OPCML: variants seen among roughly 807,000 people sequenced by gnomAD.
The protein encoded by OPCML is opioid-binding protein/cell adhesion molecule.
OPCML carries 13 observed loss-of-function variants against 37.8 expected under a neutral mutation model. The observed-to-expected ratio is 0.34, with a 90% CI of 0.22 to 0.55. The LOEUF (loss-of-function observed/expected upper bound fraction) is 0.55, where lower values mean the gene tolerates loss of function less well. Ranked by LOEUF, OPCML falls within the 20% of genes least tolerant of loss-of-function variation. The pLI, the probability that OPCML is intolerant of heterozygous loss-of-function variation, is 0.91. For synonymous variants in OPCML, 176 were observed against 168.8 expected (o/e 1.04, Z -0.33); for missense variants, 341 against 435.6 (o/e 0.78, Z 1.93).
In OPCML at chr11:133,329,666, A is replaced by T. The variant is rs555858545; in HGVS notation, c.61+202598T>A. 3.9e-3 allele frequency among the ~76,000 whole-genome samples: 591 copies of T among 152,330 alleles called. 2 individuals are homozygous for T. Among genetic ancestry groups the T allele is most frequent in the African/African-American group, 0.013 (560 of 41,572 alleles). Reference sequence around the variant, plus strand: ...AAAGCTGAAACTGGATCCCTTCCTTACACCTTATACAAAAATTAATTCAAG... The same window carrying T: ...AAAGCTGAAACTGGATCCCTTCCTTTCACCTTATACAAAAATTAATTCAAG... On this transcript the variant is annotated intron_variant, in intron 1 of 7. Transcript: ENST00000524381.
intron 1 of OPCML, among the ~76,000 whole-genome samples, chr11:133,281,490 C>G (rs1034326794): frequency 1.7e-4 from 26 of 152,264 alleles, no homozygotes; most frequent in African/African-American, 5.8e-4. Flanking sequence ...GATGCAGAAC[C>G]ATGAACCAAG....
intron 2 of OPCML, among the ~76,000 whole-genome samples, chr11:132,868,382 G>T (rs1942657448): frequency 7.4e-6 from 1 of 135,874 alleles, no homozygotes; most frequent in Admixed American, 8.3e-5. Context: ...TCAGCAAAAA[G>T]AAAATGTTGT....
chr11:132,847,147 C>T (rs1591694833), intron 2 of OPCML, among the ~76,000 whole-genome samples: 2 of 152,118 alleles, frequency 1.3e-5, no homozygotes, highest in South Asian at 2.1e-4. Flanking sequence ...AGATCATCGA[C>T]CCGTGACAAC....
At chr11:133,328,249 C>T (rs988558884) in intron 1 of OPCML, among the ~76,000 whole-genome samples, 13 of 150,960 alleles carry the variant, frequency 8.6e-5, no homozygotes, top group African/African-American at 3.2e-4. Context: ...CCTCCGCCTT[C>T]CAAGGTCAAG....
intron 2 of OPCML, among the ~76,000 whole-genome samples, chr11:132,921,160 C>G (rs1387364120): frequency 6.6e-6 from 1 of 152,210 alleles, no homozygotes; most frequent in Admixed American, 6.5e-5. Flanking sequence ...CTGGAACCCT[C>G]GTGTTTGTCA....
intron 2 of OPCML, among the ~76,000 whole-genome samples, chr11:132,825,123 T>G (rs774606492): frequency 4.5e-4 from 68 of 152,256 alleles, no homozygotes; most frequent in Non-Finnish European, 8.5e-4. Flanking sequence ...TGTCTTCCTT[T>G]GTTAGATCAT....
intron 1 of OPCML, among the ~76,000 whole-genome samples, chr11:133,204,888 A>ATGTG (rs1555114228): frequency 1.5e-5 from 2 of 129,154 alleles, no homozygotes; most frequent in African/African-American, 2.8e-5. Context: ...ATATATATAT[A>ATGTG]TATATATATA....
chr11:133,092,101 T>G (rs1350345036), intron 1 of OPCML, among the ~76,000 whole-genome samples: 1 of 152,106 alleles, frequency 6.6e-6, no homozygotes, highest in Non-Finnish European at 1.5e-5. Flanking sequence ...GGGGTGAATT[T>G]ACTTCTTACA....
At position 132,565,682 on chromosome 11, in the gene OPCML, T is replaced by C. The variant is rs189539479; in HGVS notation, c.380-36496A>G. 4.1e-4 allele frequency among the ~76,000 whole-genome samples: 62 copies of C among 152,340 alleles called. 1 individual carries two copies. In the East Asian group the frequency reaches 0.011, roughly 26 times the overall value. ...TCTATAGATATATAGAAAACCAATGTGTCTTCTGCTTTCATTTCTTTGATC... is the reference window on the plus strand; with the variant it reads ...TCTATAGATATATAGAAAACCAATGCGTCTTCTGCTTTCATTTCTTTGATC... On this transcript the variant is annotated intron_variant, in intron 3 of 7. Coordinates refer to ENST00000524381, the MANE Select transcript of OPCML (RefSeq NM_001012393.5).
intron 1 of OPCML, among the ~76,000 whole-genome samples, chr11:133,078,182 G>T (rs1269579707): frequency 6.6e-6 from 1 of 152,160 alleles, no homozygotes; most frequent in African/African-American, 2.4e-5. Flanking sequence ...CCAAGCAGGG[G>T]TGTGGACGCA....
chr11:132,504,136 AAATC>A (rs1200391668), intron 4 of OPCML, among the ~76,000 whole-genome samples: 1 of 152,230 alleles, frequency 6.6e-6, no homozygotes, highest in Non-Finnish European at 1.5e-5. Flanking sequence ...CTAGTTCCTA[AAATC>A]AATCAAACAA....
At chr11:132,920,040 G>A (rs1004203983) in intron 2 of OPCML, among the ~76,000 whole-genome samples, 17 of 152,086 alleles carry the variant, frequency 1.1e-4, no homozygotes, top group South Asian at 8.3e-4. Flanking sequence ...TCTATTAGTG[G>A]GGATGAAAAT....
intron 1 of OPCML, among the ~76,000 whole-genome samples, chr11:133,132,707 G>A (rs1949624344): frequency 6.6e-6 from 1 of 152,094 alleles, no homozygotes; most frequent in African/African-American, 2.4e-5. Context: ...CACACATTTG[G>A]CTGAATCTCA....
chr11:133,479,826 G>A (rs1480641322), intron 1 of OPCML, among the ~76,000 whole-genome samples: 1 of 152,132 alleles, frequency 6.6e-6, no homozygotes, highest in African/African-American at 2.4e-5. Flanking sequence ...CCCCCATTGT[G>A]CACATTCTTG....
chr11:132,458,331 A>G (rs1359273101), intron 4 of OPCML, among the ~76,000 whole-genome samples: 2 of 152,226 alleles, frequency 1.3e-5, no homozygotes, highest in African/African-American at 4.8e-5. Context: ...CCTCTGGCCA[A>G]CCACAGTGAA....
At chr11:132,619,621 C>G (rs892150288) in intron 3 of OPCML, among the ~76,000 whole-genome samples, 5 of 150,096 alleles carry the variant, frequency 3.3e-5, no homozygotes, top group Admixed American at 1.3e-4. Flanking sequence ...AGACGGATCA[C>G]GAGGTCAGAG....
At position 132,663,152 on chromosome 11, in the gene OPCML, ATTAT is replaced by A. The variant is rs372151702; in HGVS notation, c.147-5837_147-5834del. On this transcript the variant is annotated intron_variant, in intron 2 of 7. Transcript: ENST00000524381. The stretch of plus-strand genomic sequence containing the variant: ...CATAGAGCTTACATCACTGAATTTA[ATTAT>A]TTATACTCTCATGTGTTAAACTACG... Among the ~76,000 whole-genome samples, 42 of 152,342 alleles carry A rather than the reference ATTAT, an allele frequency of 2.8e-4. 1 individual carries two copies. The highest frequency in any genetic ancestry group is 9.6e-4 in the African/African-American group (40 of 41,584).
chr11:133,244,181 C>G (rs940838553), intron 1 of OPCML, among the ~76,000 whole-genome samples: 1 of 152,152 alleles, frequency 6.6e-6, no homozygotes, highest in African/African-American at 2.4e-5. Flanking sequence ...GACTATCCGG[C>G]TTGGAATGCC....
At chr11:133,503,751 C>A (rs372354769) in intron 1 of OPCML, among the ~76,000 whole-genome samples, 187 of 152,278 alleles carry the variant, frequency 1.2e-3, no homozygotes, top group African/African-American at 4.3e-3. Context: ...CCCTCCCTTT[C>A]GCCACTCTGA....
Sources: gnomAD v4.1 joint callset for allele counts (sites outside exome capture counted in the v4.1 genomes callset) on GRCh38, gnomAD v4.1.1 for gene constraint, MANE v1.5 for transcripts, NCBI Gene and HGNC (gene_info 2026-07-23, HGNC 2026-07-21) for gene names.